Variants in PRPSAP2 observed in about 807,000 individuals in gnomAD.
The protein encoded by PRPSAP2 is phosphoribosyl pyrophosphate synthetase associated protein 2, also known as phosphoribosyl pyrophosphate synthase-associated protein 2.
Under a neutral mutation model 40.6 loss-of-function variants are expected in PRPSAP2, and 24 were observed. That is an observed-to-expected ratio of 0.59 (90% CI 0.43 to 0.83). The LOEUF is 0.83. Ranked by LOEUF, PRPSAP2 falls within the 40% of genes least tolerant of loss-of-function variation. The probability of loss-of-function intolerance (pLI) is 0.00; values close to 1 mark genes in which losing one functional copy is unlikely to be tolerated. For synonymous variants in PRPSAP2, 149 were observed against 164.7 expected, an observed-to-expected ratio of 0.90 and a Z score of 0.73; for missense variants, 292 against 465.6, an observed-to-expected ratio of 0.63 and a Z score of 3.43.
chr17:18,904,197 C>T (rs2040444256), intron 8 of PRPSAP2: 1 of 152,164 alleles, frequency 6.6e-6, no homozygotes, highest in South Asian at 2.1e-4. Context: ...CATCAAAGAA[C>T]TTACTGAAGG....
At chr17:18,906,836 C>T (rs1374267003) in intron 8 of PRPSAP2, among the ~76,000 whole-genome samples, 2 of 152,124 alleles carry the variant, frequency 1.3e-5, no homozygotes, top group Non-Finnish European at 2.9e-5. Flanking sequence ...CGTGAGCTGC[C>T]GTGCCCAGCC....
At chr17:18,926,271 C>A (rs527652957) in intron 10 of PRPSAP2, among the ~76,000 whole-genome samples, 116 of 89,924 alleles carry the variant, frequency 1.3e-3, no homozygotes, top group Non-Finnish European at 2.0e-3. Flanking sequence ...TTATTTATTT[C>A]TATTTTTTTT....
intron 8 of PRPSAP2, chr17:18,904,423 T>A (rs1336261432): frequency 6.6e-6 from 1 of 152,090 alleles, no homozygotes; most frequent in East Asian, 1.9e-4. Context: ...CCCAGCTAAT[T>A]TTTGTATTTT....
upstream of PRPSAP2, among the ~76,000 whole-genome samples, chr17:18,857,130 T>TTC (rs2036633555): frequency 1.3e-5 from 2 of 151,954 alleles, no homozygotes; most frequent in Non-Finnish European, 2.9e-5. Context: ...GGTCAGGAGT[T>TTC]TGAGAACAGC....
chr17:18,891,284 G>A (rs139427961), intron 8 of PRPSAP2, among the ~76,000 whole-genome samples: 255 of 152,238 alleles, frequency 1.7e-3, no homozygotes, highest in African/African-American at 6.0e-3. Flanking sequence ...ATTAAGAATA[G>A]CACTTTAATA....
In PRPSAP2 at chr17:18,874,285, G is replaced by A. The variant is rs145058332; in HGVS notation, c.239+1636G>A. Among the ~76,000 whole-genome samples the A allele has an allele frequency of 5.3e-5, 8 of 152,162 alleles. No homozygotes were observed. In the East Asian group the frequency reaches 1.4e-3, roughly 26 times the overall value. On this transcript the variant is annotated intron_variant, in intron 5 of 11. Coordinates refer to ENST00000268835, the MANE Select transcript of PRPSAP2 (RefSeq NM_002767.4). ...AATGCTTCTGTGTATGAAGTTCTTC[G>A]CTCAGAACAATTTTTAATGTCTAGA...
chr17:18,857,208 A>G (rs2151864210), upstream of PRPSAP2, among the ~76,000 whole-genome samples: 1 of 151,398 alleles, frequency 6.6e-6, no homozygotes, highest in African/African-American at 2.4e-5. Flanking sequence ...GGTGGCGCAC[A>G]CCTGTAATCC....
At chr17:18,910,484 G>A (rs563918172) in intron 8 of PRPSAP2, among the ~76,000 whole-genome samples, 2 of 152,140 alleles carry the variant, frequency 1.3e-5, no homozygotes, top group Non-Finnish European at 2.9e-5. Context: ...ATTCTAGATA[G>A]GTGAAACTAT....
chr17:18,862,182 C>T (rs991127520), intron 1 of PRPSAP2, among the ~76,000 whole-genome samples: 1 of 152,196 alleles, frequency 6.6e-6, no homozygotes, highest in Non-Finnish European at 1.5e-5. Flanking sequence ...GCCACGGCGC[C>T]TGGCCACAGC....
Position 18,923,995 on chromosome 17 carries a change from C to T in PRPSAP2, c.804+11C>T, listed in dbSNP as rs201437852. 6.3e-7 allele frequency: 1 copy of T among 1,598,180 alleles called. No homozygotes were observed. The highest frequency in any genetic ancestry group is 1.3e-5 in the African/African-American group (1 of 74,516). ...ATTGCCATCATCGTGGTATGTAGAC[C>T]TCTTTTATTATTAATTCTAGTATTT... On this transcript the variant is annotated intron_variant, in intron 10 of 11. Coordinates refer to ENST00000268835, the MANE Select transcript of PRPSAP2 (RefSeq NM_002767.4).
chr17:18,890,022 C>A, intron 8 of PRPSAP2, 145 bp downstream of exon 8: 1 of 542,496 alleles, frequency 1.8e-6, no homozygotes, highest in South Asian at 5.8e-5. Flanking sequence ...TAAGATTGTT[C>A]TGTCAACTCC....
chr17:18,926,416 G>A (rs1420809125), intron 10 of PRPSAP2, among the ~76,000 whole-genome samples: 3 of 151,484 alleles, frequency 2.0e-5, no homozygotes, highest in Admixed American at 6.6e-5. Flanking sequence ...ACAGGTGCAC[G>A]CCACCACGTC....
chr17:18,927,084 G>A (rs918769373), intron 10 of PRPSAP2, among the ~76,000 whole-genome samples: 8 of 152,160 alleles, frequency 5.3e-5, no homozygotes, highest in African/African-American at 1.4e-4. Flanking sequence ...TCTGGTGAGG[G>A]CCTTCTTGCT....
intron 8 of PRPSAP2, among the ~76,000 whole-genome samples, chr17:18,906,363 G>A (rs1195449610): frequency 3.3e-5 from 5 of 152,052 alleles, no homozygotes; most frequent in Admixed American, 2.0e-4. Context: ...CTACAGGCGC[G>A]TGCTACCACG....
chr17:18,886,995 G>A (rs565951221), intron 7 of PRPSAP2, among the ~76,000 whole-genome samples: 1 of 136,672 alleles, frequency 7.3e-6, no homozygotes. Context: ...GGAGTGCAGT[G>A]GCGCAATCTC....
intron 9 of PRPSAP2, among the ~76,000 whole-genome samples, chr17:18,918,592 C>T (rs148022356): frequency 6.4e-4 from 98 of 152,342 alleles, no homozygotes; most frequent in Non-Finnish European, 7.1e-4. Context: ...GCTCTCGATC[C>T]GGGCCATTTA....
chr17:18,902,636 G>A (rs1030641202), intron 8 of PRPSAP2, among the ~76,000 whole-genome samples: 1 of 151,974 alleles, frequency 6.6e-6, no homozygotes, highest in Admixed American at 6.6e-5. Context: ...TTGGGAGGCC[G>A]AGGGGGGTGG....
At chr17:18,870,378 A>G (rs1465358121) in intron 4 of PRPSAP2, among the ~76,000 whole-genome samples, 1 of 152,134 alleles carries the variant, frequency 6.6e-6, no homozygotes, top group Non-Finnish European at 1.5e-5. Flanking sequence ...CAGCCTAGGC[A>G]ACAGGGCGAG....
intron 9 of PRPSAP2, among the ~76,000 whole-genome samples, chr17:18,921,326 A>G (rs1018044069): frequency 2.6e-5 from 4 of 152,196 alleles, no homozygotes; most frequent in African/African-American, 7.2e-5. Flanking sequence ...AGGTATGAAT[A>G]TAAGGCTTTT....
Sources: gnomAD v4.1 joint callset for allele counts (sites outside exome capture counted in the v4.1 genomes callset) on GRCh38, gnomAD v4.1.1 for gene constraint, MANE v1.5 for transcripts, NCBI Gene and HGNC (gene_info 2026-07-23, HGNC 2026-07-21) for gene names.